The following POLR3B variants were observed in gnomAD, a reference collection of about 807,000 sequenced individuals.
The protein encoded by POLR3B is DNA-directed RNA polymerase III subunit RPC2.
Under a neutral mutation model 147.4 loss-of-function variants are expected in POLR3B, and 96 were observed. The ratio of observed to expected loss-of-function variants is 0.65; its 90% CI spans 0.55 to 0.77. The LOEUF is 0.77. Ranked by LOEUF, POLR3B falls within the 30% of genes least tolerant of loss-of-function variation. The probability of loss-of-function intolerance (pLI) is 0.00; values close to 1 mark genes in which losing one functional copy is unlikely to be tolerated. For synonymous variants in POLR3B, 461 were observed against 485.9 expected, an observed-to-expected ratio of 0.95 and a Z score of 0.67; for missense variants, 1,036 against 1,413.5, an observed-to-expected ratio of 0.73 and a Z score of 4.28.
At position 106,369,658 on chromosome 12, in the gene POLR3B, A is replaced by G. The variant is rs1478549082; in HGVS notation, c.379A>G (p.Ile127Val). The change falls in exon 6 of 28, where the codon ATC becomes GTC. Residue 127 changes from isoleucine to valine, a missense_variant. Ile to Val is a conservative substitution (Grantham distance 29, BLOSUM62 3). Coordinates refer to ENST00000228347, the MANE Select transcript of POLR3B (RefSeq NM_018082.6). ...ATATACCCGAGGCAGCCAGAGGATCATCCGCAATGCCTTACCTATCGGCAG... is the reference window on the plus strand; with the variant it reads ...ATATACCCGAGGCAGCCAGAGGATCGTCCGCAATGCCTTACCTATCGGCAG... Reference protein sequence around the residue: ...IEYTRGSQRIIRNALPIGRMP... With the variant: ...IEYTRGSQRIVRNALPIGRMP... 1 of 1,611,152 alleles carries G rather than the reference A, an allele frequency of 6.2e-7. No homozygotes were observed. The highest frequency in any genetic ancestry group is 8.5e-7 in the Non-Finnish European group (1 of 1,177,308).
At chr12:106,415,459 C>T (rs947439925) in intron 12 of POLR3B, among the ~76,000 whole-genome samples, 1 of 152,136 alleles carries the variant, frequency 6.6e-6, no homozygotes, top group Non-Finnish European at 1.5e-5. Flanking sequence ...AAAGAGGATG[C>T]CAAGTTTCCT....
chr12:106,377,449 G>T (rs2036696813), intron 7 of POLR3B, among the ~76,000 whole-genome samples: 1 of 152,096 alleles, frequency 6.6e-6, no homozygotes, highest in Non-Finnish European at 1.5e-5. Flanking sequence ...TATTCTGCAG[G>T]TATAAAATGA....
chr12:106,478,780 C>T (rs550046247), intron 23 of POLR3B, among the ~76,000 whole-genome samples: 1 of 152,098 alleles, frequency 6.6e-6, no homozygotes, highest in South Asian at 2.1e-4. Flanking sequence ...TCAAACAGAA[C>T]AAGAAAGGGT....
intron 12 of POLR3B, among the ~76,000 whole-genome samples, chr12:106,421,634 A>G (rs964261988): frequency 3.3e-5 from 5 of 151,732 alleles, no homozygotes; most frequent in Non-Finnish European, 5.9e-5. Context: ...TTTGCTTCCT[A>G]ATTTTTTGTT....
chr12:106,460,062 G>A (rs946214424), intron 22 of POLR3B, among the ~76,000 whole-genome samples: 8 of 152,194 alleles, frequency 5.3e-5, no homozygotes, highest in African/African-American at 1.7e-4. Flanking sequence ...GGGTGACATA[G>A]GAGAACTGGA....
At chr12:106,427,796 A>G (rs1356698650) in intron 13 of POLR3B, among the ~76,000 whole-genome samples, 5 of 152,186 alleles carry the variant, frequency 3.3e-5, no homozygotes, top group African/African-American at 1.2e-4. Flanking sequence ...CAATGAATTC[A>G]GTTCTGGATG....
At chr12:106,464,402 A>G (rs1266294691) in intron 23 of POLR3B, among the ~76,000 whole-genome samples, 1 of 152,182 alleles carries the variant, frequency 6.6e-6, no homozygotes, top group Non-Finnish European at 1.5e-5. Flanking sequence ...TTCTCACACA[A>G]TTCTGGAGGG....
At chr12:106,374,806 G>A (rs777676116) in intron 6 of POLR3B, among the ~76,000 whole-genome samples, 1 of 152,128 alleles carries the variant, frequency 6.6e-6, no homozygotes, top group African/African-American at 2.4e-5. Context: ...GTGAGCCACC[G>A]CACCTGGCCT....
rs1401939705 is a variant in POLR3B at position 106,451,636 on chromosome 12, G to GA, written c.2084-2866_2084-2865insA. 2.3e-3 allele frequency among the ~76,000 whole-genome samples: 323 copies of GA among 139,172 alleles called. 15 individuals carry two copies. Among genetic ancestry groups the GA allele is most frequent in the African/African-American group, 8.2e-3 (304 of 36,852 alleles). The allele number at this position is 139,172 out of a possible 152,430, so 91.3% of individuals were successfully genotyped here. On this transcript the variant is annotated intron_variant, in intron 19 of 27. Transcript: ENST00000228347. ...GACTCTGTTATTTAAAAAAAGGCGGGGGGGGAGGAGAGGGGAGGGAAGGAG... is the reference window on the plus strand; with the variant it reads ...GACTCTGTTATTTAAAAAAAGGCGGGAGGGGGAGGAGAGGGGAGGGAAGGAG...
chr12:106,376,319 A>AGCC (rs776577552), intron 6 of POLR3B, 40 bp from the exon 7 acceptor site: 4 of 1,364,158 alleles, frequency 2.9e-6, no homozygotes, highest in Non-Finnish European at 4.2e-6. Context: ...TATCATTGAC[A>AGCC]GCCTACATGT....
intron 10 of POLR3B, among the ~76,000 whole-genome samples, chr12:106,405,249 T>A (rs2037134814): frequency 6.6e-6 from 1 of 152,134 alleles, no homozygotes; most frequent in Non-Finnish European, 1.5e-5. Flanking sequence ...TTAGAATTAG[T>A]CAGTTTTTGC....
Position 106,432,455 on chromosome 12 carries a change from A to G in POLR3B, c.1602A>G (p.Pro534=), listed in dbSNP as rs200983703. 6.2e-7 allele frequency: 1 copy of G among 1,613,380 alleles called. No homozygotes were observed. The highest frequency in any genetic ancestry group is 8.5e-7 in the Non-Finnish European group (1 of 1,179,328). The change falls in exon 15 of 28, where the codon CCA becomes CCG. Residue 534 remains proline, a synonymous_variant. Transcript: ENST00000228347. ...TATGTGGGGAAGAGCTCTCTTACCC[A>G]AATGTGTTTCTTGTCTTTCTTAATG... The part of the protein sequence containing the change: ...NLLCGEELSY[P]NVFLVFLNGN...
At chr12:106,452,013 A>G (rs1214825389) in intron 19 of POLR3B, among the ~76,000 whole-genome samples, 1 of 152,198 alleles carries the variant, frequency 6.6e-6, no homozygotes, top group East Asian at 1.9e-4. Context: ...GTGTGTATAT[A>G]TATGTAACGC....
intron 10 of POLR3B, among the ~76,000 whole-genome samples, chr12:106,402,066 T>C (rs2037076577): frequency 1.3e-5 from 2 of 151,774 alleles, no homozygotes; most frequent in Admixed American, 1.3e-4. Context: ...GAAAACCCCA[T>C]CGTCTCAGCC....
rs1180029911 is a variant in POLR3B at position 106,510,021 on chromosome 12, CAATT to C, written c.*475_*478del. On this transcript the variant is annotated 3_prime_UTR_variant, in exon 28 of 28. Coordinates refer to ENST00000228347, the MANE Select transcript of POLR3B (RefSeq NM_018082.6). The stretch of plus-strand genomic sequence containing the variant: ...GGCTGGCTCGGATAAATTTTCCCAA[CAATT>C]AAATCTTGCCTTTACACACCCAAAC... 5.9e-6 allele frequency: 1 copy of C among 168,366 alleles called. No homozygotes were observed. The highest frequency in any genetic ancestry group is 1.3e-5 in the Non-Finnish European group (1 of 77,428). 10.4% of individuals were successfully genotyped at this position (168,366 alleles called of 1,614,324 possible). A position where few individuals can be genotyped will look rare whatever the true frequency, so the allele number is the denominator to read the frequency against.
intron 27 of POLR3B, among the ~76,000 whole-genome samples, chr12:106,505,295 T>C (rs533015139): frequency 2.0e-4 from 30 of 152,236 alleles, no homozygotes; most frequent in Non-Finnish European, 3.8e-4. Flanking sequence ...TTTTTGGTTT[T>C]TGTTTGTTTC....
At chr12:106,410,107 TG>T (rs1488123790) in intron 11 of POLR3B, 3 of 152,336 alleles carry the variant, frequency 2.0e-5, no homozygotes, top group African/African-American at 7.2e-5. Flanking sequence ...TTGTTATCAC[TG>T]CATGACAAAC....
At chr12:106,391,392 A>C (rs2036912305) in intron 9 of POLR3B, among the ~76,000 whole-genome samples, 2 of 152,308 alleles carry the variant, frequency 1.3e-5, no homozygotes, top group Admixed American at 1.3e-4. Context: ...CATTGAGCTT[A>C]GCCTGCACTT....
At chr12:106,488,422 AT>A (rs1224517670) in intron 23 of POLR3B, among the ~76,000 whole-genome samples, 1 of 152,210 alleles carries the variant, frequency 6.6e-6, no homozygotes, top group Non-Finnish European at 1.5e-5. Context: ...TTGTTTATTT[AT>A]GAAGGCAGGA....
Sources: gnomAD v4.1 joint callset for allele counts (sites outside exome capture counted in the v4.1 genomes callset) on GRCh38, gnomAD v4.1.1 for gene constraint, MANE v1.5 for transcripts, NCBI Gene and HGNC (gene_info 2026-07-23, HGNC 2026-07-21) for gene names.